The following KCNMB2 variants were observed in gnomAD, a reference collection of about 807,000 sequenced individuals.
KCNMB2 encodes calcium-activated potassium channel subunit beta-2.
In KCNMB2, 9 loss-of-function variants were observed where a neutral mutation model predicts 24.5. That is an observed-to-expected ratio of 0.37 (90% CI 0.22 to 0.64). KCNMB2 has a LOEUF of 0.64. Ranked by LOEUF, KCNMB2 falls within the 30% of genes least tolerant of loss-of-function variation. The pLI, the probability that KCNMB2 is intolerant of heterozygous loss-of-function variation, is 0.63. For synonymous variants in KCNMB2, 109 were observed against 104.4 expected (o/e 1.04, Z -0.27); for missense variants, 226 against 284.3 (o/e 0.79, Z 1.47).
At chr3:178,739,886 C>G (rs1723438951) in intron 1 of KCNMB2, among the ~76,000 whole-genome samples, 1 of 152,078 alleles carries the variant, frequency 6.6e-6, no homozygotes, top group South Asian at 2.1e-4. Flanking sequence ...ACCAAGCTGT[C>G]CCAGGAAAAC....
At chr3:178,658,211 A>G (rs1218099052) in intron 1 of KCNMB2, among the ~76,000 whole-genome samples, 10 of 152,342 alleles carry the variant, frequency 6.6e-5, no homozygotes, top group African/African-American at 1.9e-4. Context: ...GACAGCCATC[A>G]TTGGCTCTGA....
intron 1 of KCNMB2, among the ~76,000 whole-genome samples, chr3:178,734,635 G>A (rs1723260191): frequency 1.3e-5 from 2 of 152,156 alleles, no homozygotes; most frequent in Admixed American, 1.3e-4. Flanking sequence ...CCACTTGCCT[G>A]TGTTCAAAGA....
intron 2 of KCNMB2, among the ~76,000 whole-genome samples, chr3:178,813,869 C>G (rs770946621): frequency 6.6e-6 from 1 of 151,998 alleles, no homozygotes; most frequent in African/African-American, 2.4e-5. Flanking sequence ...CATGAATTGA[C>G]CAATATGAAG....
At chr3:178,577,148 G>A (rs1478918195) in intron 1 of KCNMB2, among the ~76,000 whole-genome samples, 1 of 152,136 alleles carries the variant, frequency 6.6e-6, no homozygotes, top group African/African-American at 2.4e-5. Context: ...GCCTCTCTGG[G>A]ACAAAGCTTC....
intron 1 of KCNMB2, among the ~76,000 whole-genome samples, chr3:178,581,966 A>T (rs1234808268): frequency 6.6e-6 from 1 of 152,200 alleles, no homozygotes; most frequent in Non-Finnish European, 1.5e-5. Flanking sequence ...TTAGTCAAGG[A>T]TCTAGAACCA....
chr3:178,738,986 C>T (rs1723407441), intron 1 of KCNMB2, among the ~76,000 whole-genome samples: 1 of 151,384 alleles, frequency 6.6e-6, no homozygotes. Context: ...AGGACAAGGG[C>T]ATATATTTTT....
chr3:178,658,836 C>T (rs942684482), intron 1 of KCNMB2, among the ~76,000 whole-genome samples: 5 of 152,210 alleles, frequency 3.3e-5, no homozygotes, highest in Non-Finnish European at 7.3e-5. Flanking sequence ...CAAAAGCCTA[C>T]AGAATGCTCA....
intron 1 of KCNMB2, among the ~76,000 whole-genome samples, chr3:178,696,513 G>A (rs1180991540): frequency 6.6e-6 from 1 of 152,154 alleles, no homozygotes; most frequent in African/African-American, 2.4e-5. Flanking sequence ...CTAGCTAGAA[G>A]TCTGTCTATT....
intron 1 of KCNMB2, among the ~76,000 whole-genome samples, chr3:178,558,268 G>T (rs1716193249): frequency 6.6e-6 from 1 of 152,134 alleles, no homozygotes; most frequent in African/African-American, 2.4e-5. Context: ...GAAATCCAAT[G>T]AAAGGCAAAA....
chr3:178,604,228 C>T (rs1718196351), intron 1 of KCNMB2, among the ~76,000 whole-genome samples: 1 of 152,144 alleles, frequency 6.6e-6, no homozygotes, highest in Non-Finnish European at 1.5e-5. Flanking sequence ...AACCACAGAA[C>T]TGACATGCAA....
chr3:178,747,875 C>T (rs945791261), intron 1 of KCNMB2, among the ~76,000 whole-genome samples: 1 of 152,174 alleles, frequency 6.6e-6, no homozygotes, highest in Non-Finnish European at 1.5e-5. Context: ...CAGGTGTTCA[C>T]CCTGAACCAG....
intron 1 of KCNMB2, among the ~76,000 whole-genome samples, chr3:178,743,599 G>C (rs545633766): frequency 3.9e-5 from 6 of 152,210 alleles, no homozygotes; most frequent in Non-Finnish European, 7.3e-5. Flanking sequence ...TTCCCTAATA[G>C]TGACATTTTC....
intron 1 of KCNMB2, among the ~76,000 whole-genome samples, chr3:178,638,906 A>G (rs1719625026): frequency 6.6e-6 from 1 of 152,188 alleles, no homozygotes; most frequent in African/African-American, 2.4e-5. Context: ...ATTGTTAAAT[A>G]GATTTTTTAA....
At chr3:178,751,489 G>A (rs968850252) in intron 1 of KCNMB2, among the ~76,000 whole-genome samples, 2 of 139,736 alleles carry the variant, frequency 1.4e-5, no homozygotes, top group East Asian at 2.2e-4. Flanking sequence ...CAGGAGAATC[G>A]CTTGAACCTG....
chr3:178,640,973 G>C (rs547307343), intron 1 of KCNMB2, among the ~76,000 whole-genome samples: 44 of 152,170 alleles, frequency 2.9e-4, no homozygotes, highest in Admixed American at 5.9e-4. Flanking sequence ...CCATTGAATT[G>C]TCTGTGTTCC....
At chr3:178,597,866 T>G (rs1287401117) in intron 1 of KCNMB2, among the ~76,000 whole-genome samples, 2 of 152,138 alleles carry the variant, frequency 1.3e-5, no homozygotes, top group Non-Finnish European at 2.9e-5. Context: ...GTTGATAATC[T>G]CCTTGGCTAC....
chr3:178,650,057 G>C (rs1720055116), intron 1 of KCNMB2, among the ~76,000 whole-genome samples: 1 of 152,024 alleles, frequency 6.6e-6, no homozygotes, highest in African/African-American at 2.4e-5. Context: ...TGTTCTCATT[G>C]GTTTCAAAGA....
intron 1 of KCNMB2, among the ~76,000 whole-genome samples, chr3:178,624,276 A>G (rs1424805483): frequency 6.9e-6 from 1 of 145,030 alleles, no homozygotes; most frequent in Non-Finnish European, 1.5e-5. Context: ...CTTTTTCTGG[A>G]TTGATACCCA....
intron 1 of KCNMB2, among the ~76,000 whole-genome samples, chr3:178,773,173 A>G (rs1712444829): frequency 6.6e-6 from 1 of 152,252 alleles, no homozygotes; most frequent in African/African-American, 2.4e-5. Flanking sequence ...TAGGAGTAGG[A>G]AAAAGGTAGA....
Sources: gnomAD v4.1 joint callset for allele counts (sites outside exome capture counted in the v4.1 genomes callset) on GRCh38, gnomAD v4.1.1 for gene constraint, MANE v1.5 for transcripts, NCBI Gene and HGNC (gene_info 2026-07-23, HGNC 2026-07-21) for gene names.